The following SAMMSON variants were observed in gnomAD, a reference collection of about 807,000 sequenced individuals.
SAMMSON encodes the protein long intergenic non-protein coding RNA 1212.
intron 2 of SAMMSON, among the ~76,000 whole-genome samples, chr3:70,413,599 A>C (rs1386727998): frequency 6.6e-6 from 1 of 152,156 alleles, no homozygotes; most frequent in Non-Finnish European, 1.5e-5. Flanking sequence ...AAGAGGGCAC[A>C]ACTACATATT....
chr3:70,181,591 TAATGCATGGGA>T (rs952451654), intron 4 of SAMMSON, among the ~76,000 whole-genome samples: 8 of 152,188 alleles, frequency 5.3e-5, no homozygotes, highest in African/African-American at 1.7e-4. Context: ...CTGAGTAGAA[TAATGCATGGGA>T]ATAAATACAC....
At position 70,327,078 on chromosome 3, in the gene SAMMSON, G is replaced by A. The variant is rs200482616; in HGVS notation, n.740-27097G>A. On this transcript the variant is annotated intron_variant and non_coding_transcript_variant, in intron 7 of 9. Transcript: ENST00000642114. ...TCGCCATGTTGACCAGGCTGGTCTC[G>A]AACTCTTCACCTCAAGTGATCCAAC... Among the ~76,000 whole-genome samples, 11 of 152,210 alleles carry A rather than the reference G, an allele frequency of 7.2e-5. No individual in the cohort carries two copies. The East Asian group carries it at 1.7e-3, about 24-fold the overall frequency.
rs936008489 is a variant in SAMMSON, at chr3:70,411,198, C to G, written n.234-51362C>G. On this transcript the variant is annotated intron_variant and non_coding_transcript_variant, in intron 2 of 3. Transcript: ENST00000641053. The stretch of plus-strand genomic sequence containing the variant: ...CAAGAATTTTGCCAAGTTATCTTGA[C>G]TAAAAGGGAGGTAGATTTAGGATTC... Among the ~76,000 whole-genome samples, 12 of 152,228 alleles carry G rather than the reference C, an allele frequency of 7.9e-5. No homozygotes were observed. The East Asian group carries it at 2.1e-3, about 27-fold the overall frequency.
At chr3:70,004,012 T>C (rs1012314536) in intron 1 of SAMMSON, among the ~76,000 whole-genome samples, 11 of 152,086 alleles carry the variant, frequency 7.2e-5, no homozygotes, top group African/African-American at 2.7e-4. Flanking sequence ...GTTAAAAGCT[T>C]CTTTTTTCTT....
At chr3:70,033,098 A>G (rs2067071764) in intron 3 of SAMMSON, among the ~76,000 whole-genome samples, 1 of 152,078 alleles carries the variant, frequency 6.6e-6, no homozygotes, top group South Asian at 2.1e-4. Context: ...ATCTGACGTG[A>G]GGGGATGGAA....
chr3:70,122,073 T>A (rs1339807740), intron 4 of SAMMSON, among the ~76,000 whole-genome samples: 1 of 152,126 alleles, frequency 6.6e-6, no homozygotes, highest in East Asian at 1.9e-4. Flanking sequence ...TGTGGGACAT[T>A]TACTTTGGAA....
chr3:70,195,088 T>C (rs1034519296), intron 4 of SAMMSON, among the ~76,000 whole-genome samples: 2 of 152,212 alleles, frequency 1.3e-5, no homozygotes, highest in African/African-American at 2.4e-5. Context: ...TTAGAGTTCC[T>C]GACACTGCCA....
intron 6 of SAMMSON, among the ~76,000 whole-genome samples, chr3:70,277,641 C>A (rs1275831324): frequency 6.6e-6 from 1 of 152,156 alleles, no homozygotes; most frequent in African/African-American, 2.4e-5. Flanking sequence ...TGGTTTATTT[C>A]TTCTAATGAA....
At chr3:70,356,876 A>C (rs1668063755) in intron 8 of SAMMSON, among the ~76,000 whole-genome samples, 1 of 152,026 alleles carries the variant, frequency 6.6e-6, no homozygotes, top group Non-Finnish European at 1.5e-5. Context: ...ACTTTTTTTG[A>C]GCACTGACTT....
intron 3 of SAMMSON, among the ~76,000 whole-genome samples, chr3:70,025,990 A>G (rs1240930437): frequency 1.3e-5 from 2 of 152,154 alleles, no homozygotes; most frequent in Non-Finnish European, 2.9e-5. Flanking sequence ...ATCAGCATAT[A>G]ATTGGACCCA....
intron 4 of SAMMSON, chr3:70,124,956 C>A: frequency 9.3e-6 from 5 of 538,952 alleles, no homozygotes; most frequent in Non-Finnish European, 1.3e-5. Flanking sequence ...TTTAAATATA[C>A]TTTCAAAGCT....
chr3:70,385,374 C>T (rs187970368), intron 9 of SAMMSON, among the ~76,000 whole-genome samples: 2 of 152,070 alleles, frequency 1.3e-5, no homozygotes, highest in African/African-American at 4.8e-5. Context: ...AAATTGGGCA[C>T]AGCTATTAGC....
At chr3:70,302,978 T>A (rs1702365283) in intron 7 of SAMMSON, among the ~76,000 whole-genome samples, 1 of 152,168 alleles carries the variant, frequency 6.6e-6, no homozygotes, top group African/African-American at 2.4e-5. Flanking sequence ...ACACAGAAGA[T>A]CTCATCTTTT....
At chr3:70,208,138 A>T (rs1701309829) in intron 4 of SAMMSON, among the ~76,000 whole-genome samples, 1 of 152,086 alleles carries the variant, frequency 6.6e-6, no homozygotes, top group African/African-American at 2.4e-5. Context: ...CAGGCTGATG[A>T]TGCCCAGGAA....
intron 7 of SAMMSON, among the ~76,000 whole-genome samples, chr3:70,315,042 G>T (rs568340213): frequency 6.6e-6 from 1 of 152,262 alleles, no homozygotes; most frequent in African/African-American, 2.4e-5. Context: ...ACTTATAAAT[G>T]CTTTCCACTT....
chr3:70,168,208 C>A (rs1366530798), intron 4 of SAMMSON, among the ~76,000 whole-genome samples: 1 of 151,980 alleles, frequency 6.6e-6, no homozygotes, highest in Admixed American at 6.6e-5. Flanking sequence ...ATCACGCAGG[C>A]TAGTGACCTT....
At chr3:70,296,280 CTA>C (rs529639115) in intron 7 of SAMMSON, among the ~76,000 whole-genome samples, 337 of 152,144 alleles carry the variant, frequency 2.2e-3, no homozygotes, top group African/African-American at 6.4e-3. Flanking sequence ...AATTTAAATC[CTA>C]TGTTTTGTTT....
intron 6 of SAMMSON, among the ~76,000 whole-genome samples, chr3:70,258,934 AT>A (rs1350735422): frequency 6.6e-6 from 1 of 152,010 alleles, no homozygotes; most frequent in Non-Finnish European, 1.5e-5. Flanking sequence ...TGAATCTCTT[AT>A]TTTTATCATT....
intron 2 of SAMMSON, among the ~76,000 whole-genome samples, chr3:70,416,186 T>C (rs529058190): frequency 2.6e-5 from 4 of 152,310 alleles, no homozygotes; most frequent in South Asian, 2.1e-4. Context: ...GTCAAACTTG[T>C]TTCCAACATT....
Sources: allele counts gnomAD v4.1 joint callset (sites outside exome capture counted in the v4.1 genomes callset), GRCh38; gene constraint gnomAD v4.1.1; transcripts MANE v1.5; gene names NCBI Gene and HGNC (gene_info 2026-07-23, HGNC 2026-07-21).